Variants in MCC observed in about 807,000 individuals in gnomAD.
The protein encoded by MCC is MCC regulator of Wnt signaling pathway.
Under a neutral mutation model 116.2 loss-of-function variants are expected in MCC, and 90 were observed. The ratio of observed to expected loss-of-function variants is 0.77; its 90% CI spans 0.65 to 0.92. The LOEUF is 0.92. MCC is among the 40% of genes least tolerant of loss of function. The pLI is 0.00. For missense variants in MCC, 1,516 were observed against 1,312.2 expected, an observed-to-expected ratio of 1.16 and a Z score of -2.40; for synonymous variants, 578 against 510.5, an observed-to-expected ratio of 1.13 and a Z score of -1.78.
intron 3 of MCC, among the ~76,000 whole-genome samples, chr5:113,323,883 C>A (rs547094483): frequency 2.0e-5 from 3 of 152,074 alleles, no homozygotes; most frequent in South Asian, 2.1e-4. Flanking sequence ...GGCACCATAT[C>A]GAGACAATGT....
At chr5:113,055,450 G>A (rs1752771845) in intron 14 of MCC, among the ~76,000 whole-genome samples, 1 of 152,200 alleles carries the variant, frequency 6.6e-6, no homozygotes, top group East Asian at 1.9e-4. Context: ...AAGGCTTCCG[G>A]GGAGAGAAAA....
chr5:113,280,289 C>A (rs116166246), intron 3 of MCC, among the ~76,000 whole-genome samples: 2 of 152,156 alleles, frequency 1.3e-5, no homozygotes, highest in Non-Finnish European at 2.9e-5. Flanking sequence ...GGGCTCACAC[C>A]GCTGGTTGAT....
At chr5:113,197,264 C>T (rs1354963099) in intron 3 of MCC, among the ~76,000 whole-genome samples, 1 of 151,944 alleles carries the variant, frequency 6.6e-6, no homozygotes, top group Non-Finnish European at 1.5e-5. Context: ...TTTCAGACCC[C>T]CAATTTTTTT....
intron 11 of MCC, among the ~76,000 whole-genome samples, chr5:113,078,460 T>C (rs926625208): frequency 2.0e-5 from 3 of 152,302 alleles, no homozygotes; most frequent in South Asian, 4.1e-4. Flanking sequence ...TTATCCACCA[T>C]GATCAAGTGG....
chr5:113,411,523 G>A (rs1002875388), intron 1 of MCC, among the ~76,000 whole-genome samples: 4 of 151,582 alleles, frequency 2.6e-5, no homozygotes, highest in Non-Finnish European at 5.9e-5. Context: ...TGTCAGATAA[G>A]GTAAAAAGCA....
At chr5:113,443,481 CT>C (rs1366906400) in intron 1 of MCC, among the ~76,000 whole-genome samples, 1 of 152,080 alleles carries the variant, frequency 6.6e-6, no homozygotes, top group Non-Finnish European at 1.5e-5. Context: ...ATTTGAATAC[CT>C]TTTTTTCTTT....
At chr5:113,455,138 T>C (rs529858991) in intron 1 of MCC, among the ~76,000 whole-genome samples, 10 of 152,258 alleles carry the variant, frequency 6.6e-5, no homozygotes, top group Non-Finnish European at 1.3e-4. Context: ...AGTACTGAGA[T>C]CCCATTTGGC....
chr5:113,177,715 A>G (rs1761408211), intron 3 of MCC, among the ~76,000 whole-genome samples: 1 of 152,072 alleles, frequency 6.6e-6, no homozygotes, highest in Non-Finnish European at 1.5e-5. Flanking sequence ...CCATGTTTGC[A>G]TTTTTCTTTA....
At chr5:113,214,255 G>A (rs1443648579) in intron 3 of MCC, among the ~76,000 whole-genome samples, 3 of 152,194 alleles carry the variant, frequency 2.0e-5, no homozygotes, top group African/African-American at 7.2e-5. Context: ...CGACGGAGCT[G>A]AGAAACAGCC....
At chr5:113,418,792 A>T (rs116027277) in intron 1 of MCC, among the ~76,000 whole-genome samples, 1 of 152,124 alleles carries the variant, frequency 6.6e-6, no homozygotes, top group Admixed American at 6.6e-5. Context: ...TATTACCACA[A>T]TTAGGGGTAA....
chr5:113,442,288 C>A (rs1771064344), intron 1 of MCC, among the ~76,000 whole-genome samples: 1 of 152,198 alleles, frequency 6.6e-6, no homozygotes, highest in African/African-American at 2.4e-5. Context: ...TTGTTGGCTG[C>A]ATAAATGTCT....
intron 2 of MCC, among the ~76,000 whole-genome samples, chr5:113,351,235 C>T (rs1768260446): frequency 6.6e-6 from 1 of 152,094 alleles, no homozygotes; most frequent in African/African-American, 2.4e-5. Flanking sequence ...TATCTACACT[C>T]CCATGTTCAT....
At chr5:113,420,353 C>T (rs942334760) in intron 1 of MCC, among the ~76,000 whole-genome samples, 11 of 152,098 alleles carry the variant, frequency 7.2e-5, no homozygotes, top group Non-Finnish European at 1.5e-4. Context: ...CAGCATTTGC[C>T]ACTTGTAAAA....
chr5:113,384,549 C>T (rs1769201902), intron 2 of MCC, among the ~76,000 whole-genome samples: 1 of 152,192 alleles, frequency 6.6e-6, no homozygotes, highest in Admixed American at 6.5e-5. Flanking sequence ...GATCCCGCCA[C>T]TGCACGCCAG....
In MCC at chr5:113,064,154, C is replaced by T; in HGVS notation, c.2043G>A (p.Gly681=). Reference sequence around the variant, plus strand: ...TGAGCATCTGAGTGATGTTTTCATCCCCCGACTGGTCTCCTATGTGGCAGA... The same window carrying T: ...TGAGCATCTGAGTGATGTTTTCATCTCCCGACTGGTCTCCTATGTGGCAGA... The part of the protein sequence containing the change: ...GVGSSPGDQS[G]DENITQMLKR... Residue 681 remains glycine (G), a synonymous_variant, in exon 14 of 19, where the codon GGG becomes GGA. Transcript: ENST00000408903. 6.2e-7 allele frequency: 1 copy of T among 1,611,420 alleles called. No individual in the cohort carries two copies. Among genetic ancestry groups the T allele is most frequent in the Non-Finnish European group, 8.5e-7 (1 of 1,178,408 alleles).
intron 2 of MCC, among the ~76,000 whole-genome samples, chr5:113,349,032 A>AT (rs1181745703): frequency 6.6e-6 from 1 of 152,078 alleles, no homozygotes; most frequent in African/African-American, 2.4e-5. Flanking sequence ...GAACAGACCA[A>AT]TAAAAAATCA....
At chr5:113,269,548 T>C (rs747647433) in intron 3 of MCC, among the ~76,000 whole-genome samples, 52 of 152,252 alleles carry the variant, frequency 3.4e-4, no homozygotes, top group Non-Finnish European at 3.1e-4. Context: ...ATTATTACAC[T>C]TGCTAATTAG....
Position 113,064,174 on chromosome 5 carries a change from G to A in MCC, c.2030-7C>T, listed in dbSNP as rs763276340. ...TCATCCCCCGACTGGTCTCCTATGT[G>A]GCAGAGAAGCCAACGGATTAATCAA... On this transcript the variant is annotated splice_region_variant and splice_polypyrimidine_tract_variant and intron_variant, in intron 13 of 18. Transcript: ENST00000408903. 11 of 1,603,766 alleles carry A rather than the reference G, an allele frequency of 6.9e-6. No homozygotes were observed. The highest frequency in any genetic ancestry group is 2.2e-5 in the South Asian group (2 of 89,760).
rs74637097 is a variant in MCC at position 113,093,370 on chromosome 5, A to G, written c.1399-8060T>C. ...GGAGGATCGCTTAGCTTAGAATTCAAGGGTCGAGCGCACTGTGATTACACC... is the reference window on the plus strand; with the variant it reads ...GGAGGATCGCTTAGCTTAGAATTCAGGGGTCGAGCGCACTGTGATTACACC... On this transcript the variant is annotated intron_variant, in intron 8 of 18. Transcript: ENST00000408903. 2.6e-3 allele frequency among the ~76,000 whole-genome samples: 397 copies of G among 152,194 alleles called. 2 individuals are homozygous for G. The highest frequency in any genetic ancestry group is 9.4e-3 in the African/African-American group (390 of 41,528).
Sources: gnomAD v4.1 joint callset for allele counts (sites outside exome capture counted in the v4.1 genomes callset) on GRCh38, gnomAD v4.1.1 for gene constraint, MANE v1.5 for transcripts, NCBI Gene and HGNC (gene_info 2026-07-23, HGNC 2026-07-21) for gene names.